Variants in CACNA2D3 observed in about 807,000 individuals in gnomAD.
CACNA2D3 encodes the protein calcium voltage-gated channel auxiliary subunit alpha2delta 3, also known as voltage-dependent calcium channel subunit alpha-2/delta-3.
CACNA2D3 carries 60 observed loss-of-function variants against 160.6 expected under a neutral mutation model. The ratio of observed to expected loss-of-function variants is 0.37; its 90% CI spans 0.30 to 0.46. The LOEUF is 0.46. CACNA2D3 is among the 20% of genes least tolerant of loss of function. The probability of loss-of-function intolerance (pLI) is 1.00; values close to 1 mark genes in which losing one functional copy is unlikely to be tolerated. For missense variants in CACNA2D3, 1,205 were observed against 1,365.0 expected, an observed-to-expected ratio of 0.88 and a Z score of 1.85; for synonymous variants, 558 against 492.9, an observed-to-expected ratio of 1.13 and a Z score of -1.75.
At chr3:54,281,256 C>T (rs1702872684) in intron 2 of CACNA2D3, among the ~76,000 whole-genome samples, 1 of 152,214 alleles carries the variant, frequency 6.6e-6, no homozygotes, top group South Asian at 2.1e-4. Flanking sequence ...CCTCCCTTGC[C>T]ACTTGGAAGC....
intron 9 of CACNA2D3, among the ~76,000 whole-genome samples, chr3:54,618,230 A>G (rs938227979): frequency 1.3e-4 from 20 of 151,664 alleles, no homozygotes; most frequent in Admixed American, 1.3e-3. Context: ...CTTACTACAC[A>G]TATGCACTAC....
At chr3:54,159,154 T>A (rs1216229944) in intron 2 of CACNA2D3, among the ~76,000 whole-genome samples, 3 of 152,138 alleles carry the variant, frequency 2.0e-5, no homozygotes, top group African/African-American at 7.2e-5. Context: ...ATTGATTCAG[T>A]CATCATAAAA....
intron 2 of CACNA2D3, among the ~76,000 whole-genome samples, chr3:54,161,484 C>T (rs1042725551): frequency 4.6e-5 from 7 of 152,218 alleles, no homozygotes; most frequent in African/African-American, 7.2e-5. Context: ...GTGTCTTTAG[C>T]GTCACAGTTA....
intron 11 of CACNA2D3, among the ~76,000 whole-genome samples, chr3:54,689,126 G>T (rs563492774): frequency 1.3e-5 from 2 of 151,052 alleles, no homozygotes. Context: ...GCTGAAACCA[G>T]CAGTTCATTT....
intron 11 of CACNA2D3, among the ~76,000 whole-genome samples, chr3:54,706,462 G>A (rs558379738): frequency 5.9e-5 from 9 of 152,294 alleles, no homozygotes; most frequent in African/African-American, 1.7e-4. Flanking sequence ...TAGAATGCAA[G>A]TGGATGGCTG....
intron 16 of CACNA2D3, among the ~76,000 whole-genome samples, chr3:54,840,179 A>G (rs897763342): frequency 3.3e-5 from 5 of 152,170 alleles, no homozygotes; most frequent in African/African-American, 4.8e-5. Flanking sequence ...TACGTGTCCA[A>G]TAAATCAAGA....
chr3:54,367,846 C>T (rs1416572996), intron 3 of CACNA2D3, among the ~76,000 whole-genome samples: 2 of 152,122 alleles, frequency 1.3e-5, no homozygotes, highest in African/African-American at 2.4e-5. Flanking sequence ...GACCAAGAAA[C>T]GTTTTCTGCC....
At chr3:54,637,504 C>G (rs1699404330) in intron 10 of CACNA2D3, among the ~76,000 whole-genome samples, 1 of 151,830 alleles carries the variant, frequency 6.6e-6, no homozygotes, top group African/African-American at 2.4e-5. Context: ...AAAAGGAGTG[C>G]TTTAAAGAGT....
intron 4 of CACNA2D3, among the ~76,000 whole-genome samples, chr3:54,411,520 G>T (rs1699667773): frequency 6.6e-6 from 1 of 152,164 alleles, no homozygotes; most frequent in African/African-American, 2.4e-5. Flanking sequence ...AGGCTCAGAT[G>T]ATCATTAGCA....
chr3:54,833,588 G>T (rs1703925888), intron 14 of CACNA2D3, among the ~76,000 whole-genome samples: 1 of 151,060 alleles, frequency 6.6e-6, no homozygotes, highest in African/African-American at 2.4e-5. Flanking sequence ...TTGGTGGTCT[G>T]GGAAAAAAAA....
intron 4 of CACNA2D3, among the ~76,000 whole-genome samples, chr3:54,474,812 TC>T (rs1700800435): frequency 1.3e-5 from 2 of 152,090 alleles, no homozygotes; most frequent in Admixed American, 6.6e-5. Context: ...GAAGTTGAGT[TC>T]TCGGATATAC....
At chr3:54,454,308 C>T (rs1266854887) in intron 4 of CACNA2D3, among the ~76,000 whole-genome samples, 1 of 152,140 alleles carries the variant, frequency 6.6e-6, no homozygotes, top group Admixed American at 6.5e-5. Context: ...ATGTAGCCAA[C>T]ATCAAAATCA....
At chr3:54,525,907 A>G (rs568441521) in intron 5 of CACNA2D3, among the ~76,000 whole-genome samples, 12 of 151,994 alleles carry the variant, frequency 7.9e-5, no homozygotes, top group East Asian at 1.9e-4. Context: ...TATTCATTCA[A>G]TATCCTTCAA....
At chr3:54,840,739 T>TTTTTTTAG (rs1698801311) in intron 16 of CACNA2D3, among the ~76,000 whole-genome samples, 1 of 139,286 alleles carries the variant, frequency 7.2e-6, no homozygotes, top group African/African-American at 2.7e-5. Context: ...TTTTTTTTTT[T>TTTTTTTAG]GAGACGGAGT....
At chr3:54,573,157 T>G (rs1702527654) in intron 8 of CACNA2D3, among the ~76,000 whole-genome samples, 1 of 152,198 alleles carries the variant, frequency 6.6e-6, no homozygotes, top group Non-Finnish European at 1.5e-5. Context: ...ATAATCAGCT[T>G]CAACACTATT....
intron 4 of CACNA2D3, among the ~76,000 whole-genome samples, chr3:54,479,430 A>G (rs886791242): frequency 2.6e-5 from 4 of 152,272 alleles, no homozygotes; most frequent in African/African-American, 9.6e-5. Flanking sequence ...ATGATGGAAG[A>G]CTACTTCACA....
intron 17 of CACNA2D3, among the ~76,000 whole-genome samples, chr3:54,855,878 CAAG>C (rs1268312092): frequency 1.3e-5 from 2 of 152,168 alleles, no homozygotes; most frequent in Non-Finnish European, 2.9e-5. Context: ...CCCCTGCTCT[CAAG>C]GAGCTCACAG....
At chr3:54,965,809 C>G (rs1322401490) in intron 27 of CACNA2D3, among the ~76,000 whole-genome samples, 3 of 152,180 alleles carry the variant, frequency 2.0e-5, no homozygotes, top group African/African-American at 7.2e-5. Context: ...GCAGCCAGGA[C>G]TATCCAGGAG....
chr3:54,501,406 AT>A (rs35135959), intron 4 of CACNA2D3, among the ~76,000 whole-genome samples: 50,655 of 137,142 alleles, frequency 0.37, 7,968 homozygotes, highest in Middle Eastern at 0.45. Flanking sequence ...CTCTAACACT[AT>A]TTTTTTTTTT....
Sources: gnomAD v4.1 joint callset for allele counts (sites outside exome capture counted in the v4.1 genomes callset) on GRCh38, gnomAD v4.1.1 for gene constraint, MANE v1.5 for transcripts, NCBI Gene and HGNC (gene_info 2026-07-23, HGNC 2026-07-21) for gene names.